The following UTRN variants were observed in gnomAD, a reference collection of about 807,000 sequenced individuals.
The protein encoded by UTRN is utrophin.
In UTRN, 283 loss-of-function variants were observed where a neutral mutation model predicts 463.9. The observed-to-expected ratio is 0.61, with a 90% CI of 0.55 to 0.67. The LOEUF (loss-of-function observed/expected upper bound fraction) is 0.67, where lower values mean the gene tolerates loss of function less well. Ranked by LOEUF, UTRN falls within the 30% of genes least tolerant of loss-of-function variation. The pLI is 0.00. For missense variants in UTRN, 3,922 were observed against 4,084.3 expected (o/e 0.96, Z 1.08); for synonymous variants, 1,442 against 1,431.5 (o/e 1.01, Z -0.17).
At chr6:144,586,599 T>C (rs1802490430) in intron 51 of UTRN, among the ~76,000 whole-genome samples, 1 of 152,142 alleles carries the variant, frequency 6.6e-6, no homozygotes, top group Non-Finnish European at 1.5e-5. Context: ...GTGATTACTT[T>C]GGGGTGTTTT....
At chr6:144,437,109 C>T (rs1300908365) in intron 10 of UTRN, among the ~76,000 whole-genome samples, 4 of 151,686 alleles carry the variant, frequency 2.6e-5, no homozygotes, top group Admixed American at 6.6e-5. Flanking sequence ...TGTGCCACCA[C>T]GCCCGGCTAA....
intron 13 of UTRN, among the ~76,000 whole-genome samples, chr6:144,443,392 G>A (rs899741435): frequency 2.6e-5 from 4 of 152,110 alleles, no homozygotes; most frequent in East Asian, 1.9e-4. Flanking sequence ...TAGTCCTCCT[G>A]AGATTTAAAT....
At chr6:144,403,672 CT>C (rs1206053900) in intron 3 of UTRN, among the ~76,000 whole-genome samples, 1 of 151,908 alleles carries the variant, frequency 6.6e-6, no homozygotes, top group African/African-American at 2.4e-5. Flanking sequence ...TCCTTAATTC[CT>C]CCCCCACCCC....
At chr6:144,687,092 T>C (rs950147724) in intron 52 of UTRN, among the ~76,000 whole-genome samples, 9 of 152,176 alleles carry the variant, frequency 5.9e-5, no homozygotes, top group Admixed American at 5.2e-4. Flanking sequence ...GACTTGCATA[T>C]GTTGAAACAT....
rs1480079313 is a variant in UTRN, at chr6:144,438,814, A to T, written c.1311A>T (p.Thr437=). The T allele has an allele frequency of 1.2e-6, 2 of 1,614,252 alleles. No individual in the cohort carries two copies. The highest frequency in any genetic ancestry group is 1.6e-4 in the Middle Eastern group (1 of 6,062). ...AGCTCTCCGCCTGGTTAACACTCAC[A>T]GAGGAGCGCATTCAGAAGATGGAAA... ...LQQLSAWLTL[T]EERIQKMETC... Residue 437 remains threonine (T), a synonymous_variant, in exon 12 of 75, where the codon ACA becomes ACT. Coordinates refer to ENST00000367545, the MANE Select transcript of UTRN (RefSeq NM_007124.3).
chr6:144,554,843 C>T lies in UTRN; in HGVS notation c.7084C>T (p.Leu2362Phe), dbSNP rs1287354121. Residue 2362 changes from leucine to phenylalanine, a missense_variant, in exon 49 of 75, where the codon CTT becomes TTT. Physicochemically the swap from Leu to Phe is conservative, Grantham distance 22 (BLOSUM62 0). Around this residue, in one of 3 missense-constraint regions of UTRN, gnomAD observed 1,309 missense variants for 1,452.6 expected, o/e 0.90. Coordinates refer to ENST00000367545, the MANE Select transcript of UTRN (RefSeq NM_007124.3). ...AAAATATGAGGCTCGACTCTATATT[C>T]TTCAGCAAGCCCGACGGGATCCACT... ...MRKYEARLYILQQARRDPLTK... is the reference protein window; with the variant it reads ...MRKYEARLYIFQQARRDPLTK... The T allele has an allele frequency of 6.2e-7, 1 of 1,613,994 alleles. No homozygotes were observed. Among genetic ancestry groups the T allele is most frequent in the East Asian group, 2.2e-5 (1 of 44,820 alleles).
intron 53 of UTRN, among the ~76,000 whole-genome samples, chr6:144,704,588 TA>T: frequency 6.6e-6 from 1 of 152,138 alleles, no homozygotes; most frequent in Non-Finnish European, 1.5e-5. Flanking sequence ...CATCATGTAT[TA>T]ATAAGTAAGT....
At chr6:144,614,742 G>T (rs1214849252) in intron 51 of UTRN, among the ~76,000 whole-genome samples, 2 of 152,140 alleles carry the variant, frequency 1.3e-5, no homozygotes, top group Non-Finnish European at 2.9e-5. Flanking sequence ...TTGCACAGTG[G>T]TGTTAAATAT....
intron 25 of UTRN, 118 bp downstream of exon 25, chr6:144,474,877 C>A: frequency 8.3e-7 from 1 of 1,197,882 alleles, no homozygotes; most frequent in Non-Finnish European, 1.2e-6. Context: ...AGAATAACTC[C>A]AGCATGGGTA....
At chr6:144,770,578 T>C (rs890111319) in intron 58 of UTRN, among the ~76,000 whole-genome samples, 12 of 151,976 alleles carry the variant, frequency 7.9e-5, no homozygotes, top group Admixed American at 5.2e-4. Flanking sequence ...TCTTTTTAAA[T>C]GTAAGGCCAC....
intron 50 of UTRN, among the ~76,000 whole-genome samples, chr6:144,567,413 A>G (rs1271656583): frequency 6.6e-6 from 1 of 152,100 alleles, no homozygotes; most frequent in African/African-American, 2.4e-5. Flanking sequence ...TGGTGAGGGA[A>G]ATCCTCTCAA....
chr6:144,723,003 A>G (rs985636296), intron 53 of UTRN, among the ~76,000 whole-genome samples: 4 of 152,230 alleles, frequency 2.6e-5, no homozygotes, highest in African/African-American at 9.6e-5. Flanking sequence ...ATACACAGTC[A>G]TGATAATGGA....
chr6:144,431,655 G>T (rs1785857588), intron 9 of UTRN, among the ~76,000 whole-genome samples: 1 of 152,172 alleles, frequency 6.6e-6, no homozygotes. Flanking sequence ...CGACCTCATG[G>T]ATGCTGGTGC....
At position 144,421,980 on chromosome 6, in the gene UTRN, T is replaced by G. The variant is rs910880814; in HGVS notation, c.234+10T>G. On this transcript the variant is annotated intron_variant, in intron 4 of 74. Transcript: ENST00000367545. ...CACAGGAACATCACTGGTGAGCAAG[T>G]CATCTTTGTAAACAACGGAGTCTCC... 1.2e-6 allele frequency: 2 copies of G among 1,605,114 alleles called. No homozygotes were observed. The highest frequency in any genetic ancestry group is 1.3e-5 in the African/African-American group (1 of 74,620).
At chr6:144,819,063 C>T (rs937856876) in intron 65 of UTRN, among the ~76,000 whole-genome samples, 1 of 152,114 alleles carries the variant, frequency 6.6e-6, no homozygotes, top group African/African-American at 2.4e-5. Context: ...ATCCATATAA[C>T]TGCAGATCAT....
At chr6:144,378,177 C>G (rs534014619) in intron 2 of UTRN, among the ~76,000 whole-genome samples, 1 of 152,270 alleles carries the variant, frequency 6.6e-6, no homozygotes, top group East Asian at 1.9e-4. Flanking sequence ...GATGGTCTTG[C>G]AATTTTGCAG....
intron 51 of UTRN, among the ~76,000 whole-genome samples, chr6:144,602,100 T>G (rs757940512): frequency 6.6e-6 from 1 of 152,152 alleles, no homozygotes; most frequent in Non-Finnish European, 1.5e-5. Context: ...TCAATTGATA[T>G]AAAGAAGAGT....
intron 51 of UTRN, among the ~76,000 whole-genome samples, chr6:144,667,209 C>A (rs774821839): frequency 8.6e-5 from 13 of 152,014 alleles, no homozygotes; most frequent in Non-Finnish European, 1.8e-4. Flanking sequence ...CATGCACCAC[C>A]ACACCCAGCT....
chr6:144,410,850 T>C (rs1327370960), intron 3 of UTRN, among the ~76,000 whole-genome samples: 2 of 152,054 alleles, frequency 1.3e-5, no homozygotes, highest in African/African-American at 4.8e-5. Context: ...CTTTATTCAC[T>C]CATTGATCGA....
Sources: gnomAD v4.1 joint callset for allele counts (sites outside exome capture counted in the v4.1 genomes callset) on GRCh38, gnomAD v4.1.1 for gene constraint, gnomAD v4.1.1 regional missense constraint, MANE v1.5 for transcripts, NCBI Gene and HGNC (gene_info 2026-07-23, HGNC 2026-07-21) for gene names.